TBK1: variants seen among roughly 807,000 people sequenced by gnomAD.
TBK1 encodes the protein serine/threonine-protein kinase TBK1.
TBK1 carries 37 observed loss-of-function variants against 99.9 expected under a neutral mutation model. That is an observed-to-expected ratio of 0.37 (90% CI 0.28 to 0.49). The LOEUF is 0.49. TBK1 is among the 20% of genes least tolerant of loss of function. The probability of loss-of-function intolerance (pLI) is 0.98; values close to 1 mark genes in which losing one functional copy is unlikely to be tolerated. For missense variants in TBK1, 644 were observed against 872.5 expected, an observed-to-expected ratio of 0.74 and a Z score of 3.30; for synonymous variants, 258 against 279.8, an observed-to-expected ratio of 0.92 and a Z score of 0.78.
At chr12:64,454,660 A>G (rs1333401377) in intron 1 of TBK1, among the ~76,000 whole-genome samples, 1 of 144,410 alleles carries the variant, frequency 6.9e-6, no homozygotes, top group Non-Finnish European at 1.5e-5. Context: ...GAATATTGCT[A>G]GAAACTCAGA....
intron 5 of TBK1, among the ~76,000 whole-genome samples, chr12:64,471,399 C>G (rs1267838872): frequency 6.6e-6 from 1 of 152,014 alleles, no homozygotes; most frequent in Non-Finnish European, 1.5e-5. Flanking sequence ...GTTGCCCAGG[C>G]TGGAGTGTAG....
At chr12:64,462,856 A>G (rs2040561141) in intron 3 of TBK1, among the ~76,000 whole-genome samples, 1 of 152,204 alleles carries the variant, frequency 6.6e-6, no homozygotes, top group Non-Finnish European at 1.5e-5. Flanking sequence ...TTGATGAAGC[A>G]TTATAATCAA....
chr12:64,485,047 G>A (rs963481354), intron 9 of TBK1, among the ~76,000 whole-genome samples: 2 of 151,998 alleles, frequency 1.3e-5, no homozygotes, highest in African/African-American at 4.8e-5. Flanking sequence ...AATATTTTTT[G>A]TGTGCAGTAT....
intron 6 of TBK1, among the ~76,000 whole-genome samples, chr12:64,476,150 C>CTTTTTT (rs59104364): frequency 1.1e-3 from 59 of 51,854 alleles, no homozygotes; most frequent in Admixed American, 2.4e-3. Context: ...GCGTAGTCTT[C>CTTTTTT]TTTTTTTTTT....
intron 13 of TBK1, among the ~76,000 whole-genome samples, chr12:64,494,349 C>T (rs1464719656): frequency 6.6e-6 from 1 of 151,690 alleles, no homozygotes; most frequent in Non-Finnish European, 1.5e-5. Context: ...CGCAATAGCA[C>T]GCACTTGTAA....
chr12:64,464,660 A>G (rs758824867), intron 4 of TBK1, among the ~76,000 whole-genome samples, 197 bp downstream of exon 4: 82 of 152,328 alleles, frequency 5.4e-4, no homozygotes, highest in Non-Finnish European at 7.6e-4. Flanking sequence ...GACATCAGGT[A>G]AGTGAAAAGA....
chr12:64,474,863 A>G (rs2040696416), intron 6 of TBK1, among the ~76,000 whole-genome samples: 1 of 152,216 alleles, frequency 6.6e-6, no homozygotes, highest in African/African-American at 2.4e-5. Flanking sequence ...CACGCCTGTA[A>G]TCCCAGCACT....
chr12:64,473,325 A>T (rs1275975362), intron 5 of TBK1, among the ~76,000 whole-genome samples: 2 of 152,238 alleles, frequency 1.3e-5, no homozygotes, highest in African/African-American at 2.4e-5. Flanking sequence ...TAAGGCAGTT[A>T]TAATAAGCAT....
chr12:64,463,207 T>C (rs1008124559), intron 3 of TBK1, among the ~76,000 whole-genome samples: 3 of 150,274 alleles, frequency 2.0e-5, no homozygotes, highest in African/African-American at 7.4e-5. Flanking sequence ...CCGTCTCTAC[T>C]AAAAATACAA....
Position 64,501,546 on chromosome 12 carries a change from T to C in TBK1, c.*165T>C. The stretch of plus-strand genomic sequence containing the variant: ...AAATACATAAAAAATATACAAATTT[T>C]TGGCTGCTGTGAAGATGTAATTTTA... On this transcript the variant is annotated 3_prime_UTR_variant, in exon 21 of 21. Coordinates refer to ENST00000331710, the MANE Select transcript of TBK1 (RefSeq NM_013254.4). 1.5e-6 allele frequency: 1 copy of C among 657,798 alleles called. No individual in the cohort carries two copies. The highest frequency in any genetic ancestry group is 2.4e-5 in the South Asian group (1 of 41,656). 40.7% of individuals were successfully genotyped at this position (657,798 alleles called of 1,614,324 possible).
In TBK1 at chr12:64,472,576, A is replaced by G. The variant is rs148261176; in HGVS notation, c.541-1654A>G. On this transcript the variant is annotated intron_variant, in intron 5 of 20. Transcript: ENST00000331710. ...ACCACTGGTTATTCTCTGCAGAACA[A>G]AATGTCCATCAGAATATCTGTTAGG... Among the ~76,000 whole-genome samples the G allele has an allele frequency of 4.2e-3, 640 of 152,318 alleles. 4 individuals carry two copies. The highest frequency in any genetic ancestry group is 0.014 in the African/African-American group (596 of 41,572).
intron 12 of TBK1, among the ~76,000 whole-genome samples, chr12:64,489,331 A>G (rs2040846855): frequency 6.6e-6 from 1 of 152,226 alleles, no homozygotes; most frequent in African/African-American, 2.4e-5. Flanking sequence ...ACAGAATGAT[A>G]TTTTTAACTG....
At position 64,482,404 on chromosome 12, in the gene TBK1, A is replaced by T. The variant is rs758278824; in HGVS notation, c.992+383A>T. On this transcript the variant is annotated intron_variant, in intron 8 of 20. Transcript: ENST00000331710. ...CTAAGTCTTCATTGTTAGCATGGTT[A>T]TTTGCCTATGATAACCCTATGCAGA... is the stretch of plus-strand genomic sequence containing the variant. 1.3e-4 allele frequency among the ~76,000 whole-genome samples: 20 copies of T among 152,306 alleles called. No individual in the cohort carries two copies. In the Middle Eastern group the frequency reaches 0.01, roughly 78 times the overall value.
chr12:64,463,121 C>A (rs1274481288), intron 3 of TBK1, among the ~76,000 whole-genome samples: 2 of 152,146 alleles, frequency 1.3e-5, no homozygotes, highest in Non-Finnish European at 2.9e-5. Context: ...CCTGTAATCC[C>A]AGCACTTTGG....
At position 64,497,267 on chromosome 12, in the gene TBK1, C is replaced by T; in HGVS notation, c.1959+8C>T. 1 of 1,516,024 alleles carries T rather than the reference C, an allele frequency of 6.6e-7. No homozygotes were observed. Among genetic ancestry groups the T allele is most frequent in the Non-Finnish European group, 8.9e-7 (1 of 1,127,196 alleles). 93.9% of individuals were successfully genotyped at this position (1,516,024 alleles called of 1,614,324 possible). On this transcript the variant is annotated splice_region_variant and intron_variant, in intron 18 of 20. Coordinates refer to ENST00000331710, the MANE Select transcript of TBK1 (RefSeq NM_013254.4). ...CAAGAATATACTAATGAGGTAGGTA[C>T]AGCTGTCAAGGAAAAATTAAAATTC...
intron 11 of TBK1, 115 bp from the exon 12 acceptor site, chr12:64,488,372 A>G (rs968405179): frequency 2.4e-5 from 13 of 550,980 alleles, no homozygotes; most frequent in Non-Finnish European, 3.8e-5. Flanking sequence ...GAATTGATGA[A>G]TATCATGAAT....
chr12:64,484,274 T>C (rs777138305), intron 8 of TBK1, 29 bp from the exon 9 acceptor site: 36 of 1,485,022 alleles, frequency 2.4e-5, no homozygotes, highest in Admixed American at 2.3e-4. Flanking sequence ...TCCCCAGTTA[T>C]AGTGTCCTTT....
rs2040691477 is a variant in TBK1, at chr12:64,474,313, G to A, written c.624G>A (p.Gly208=). ...YGATVDLWSI[G]VTFYHAATGS... ...CAACAGTTGATCTTTGGAGCATTGG[G>A]GTAACATTTTACCATGCAGCTACTG... is the stretch of plus-strand genomic sequence containing the variant. The change falls in exon 6 of 21, where the codon GGG becomes GGA. Residue 208 remains glycine, a synonymous_variant. Transcript: ENST00000331710. 1.2e-6 allele frequency: 2 copies of A among 1,613,646 alleles called. No individual in the cohort carries two copies. The highest frequency in any genetic ancestry group is 1.3e-5 in the African/African-American group (1 of 74,812).
chr12:64,452,978 A>C (rs2040444013), intron 1 of TBK1: 1 of 152,252 alleles, frequency 6.6e-6, no homozygotes, highest in Non-Finnish European at 1.5e-5. Flanking sequence ...TCCATAGGCC[A>C]TGTCGTCAAA....
Sources: allele counts gnomAD v4.1 joint callset (sites outside exome capture counted in the v4.1 genomes callset), GRCh38; gene constraint gnomAD v4.1.1; transcripts MANE v1.5; gene names NCBI Gene and HGNC (gene_info 2026-07-23, HGNC 2026-07-21).